NXPH1: variants seen among roughly 807,000 people sequenced by gnomAD.
NXPH1 encodes neurexophilin 1.
In NXPH1, 5 loss-of-function variants were observed where a neutral mutation model predicts 23.7. The observed-to-expected ratio is 0.21, with a 90% CI of 0.11 to 0.44. The LOEUF (loss-of-function observed/expected upper bound fraction) is 0.44. Ranked by LOEUF, NXPH1 falls within the 20% of genes least tolerant of loss-of-function variation. NXPH1 has a pLI of 0.99. For synonymous variants in NXPH1, 144 were observed against 122.2 expected (o/e 1.18, Z -1.18); for missense variants, 324 against 321.6 (o/e 1.01, Z -0.06).
At chr7:8,750,842 G>A (rs1562474681) in intron 2 of NXPH1, among the ~76,000 whole-genome samples, 166 bp from the exon 3 acceptor site, 1 of 152,056 alleles carries the variant, frequency 6.6e-6, no homozygotes, top group Non-Finnish European at 1.5e-5. Context: ...TGAGACTCTG[G>A]GAGAGGGGGC....
At chr7:8,515,982 G>A (rs1355586321) in intron 2 of NXPH1, among the ~76,000 whole-genome samples, 1 of 151,920 alleles carries the variant, frequency 6.6e-6, no homozygotes, top group Non-Finnish European at 1.5e-5. Flanking sequence ...ATACCTATCT[G>A]GTGTGCATGC....
intron 2 of NXPH1, among the ~76,000 whole-genome samples, chr7:8,481,027 C>T (rs1233165527): frequency 6.6e-6 from 1 of 152,130 alleles, no homozygotes; most frequent in African/African-American, 2.4e-5. Flanking sequence ...CATCGGTGCT[C>T]AGGATGAGGA....
At chr7:8,582,561 C>A (rs1223448079) in intron 2 of NXPH1, among the ~76,000 whole-genome samples, 3 of 152,148 alleles carry the variant, frequency 2.0e-5, no homozygotes, top group African/African-American at 7.2e-5. Flanking sequence ...CAGTGGGTAG[C>A]TCCTTTCTGC....
chr7:8,559,840 G>A (rs537132386), intron 2 of NXPH1, among the ~76,000 whole-genome samples: 1 of 151,792 alleles, frequency 6.6e-6, no homozygotes, highest in Admixed American at 6.6e-5. Context: ...TTTGGAGTGG[G>A]CATAGCATAC....
At chr7:8,503,546 A>T (rs1294703761) in intron 2 of NXPH1, among the ~76,000 whole-genome samples, 2 of 151,982 alleles carry the variant, frequency 1.3e-5, no homozygotes, top group Non-Finnish European at 2.9e-5. Flanking sequence ...TTCTGCCTTA[A>T]CTATTTCTTC....
intron 2 of NXPH1, among the ~76,000 whole-genome samples, chr7:8,492,588 TACAC>T (rs1304386119): frequency 6.6e-6 from 1 of 152,080 alleles, no homozygotes; most frequent in Non-Finnish European, 1.5e-5. Context: ...TCATGGAGCT[TACAC>T]AATCAACTGG....
At chr7:8,525,207 T>A (rs567915374) in intron 2 of NXPH1, among the ~76,000 whole-genome samples, 25 of 152,326 alleles carry the variant, frequency 1.6e-4, no homozygotes, top group African/African-American at 6.0e-4. Context: ...TGTTATGTTT[T>A]AGCAAAGAGA....
chr7:8,519,895 T>G (rs1432241337), intron 2 of NXPH1, among the ~76,000 whole-genome samples: 1 of 152,180 alleles, frequency 6.6e-6, no homozygotes, highest in Non-Finnish European at 1.5e-5. Context: ...TAGACATTAA[T>G]GTATCATTTG....
intron 2 of NXPH1, among the ~76,000 whole-genome samples, chr7:8,693,530 A>G (rs1049785021): frequency 3.3e-5 from 5 of 152,228 alleles, no homozygotes; most frequent in Non-Finnish European, 5.9e-5. Flanking sequence ...TTAATCTTTT[A>G]AAACTTTGTT....
intron 2 of NXPH1, among the ~76,000 whole-genome samples, chr7:8,588,199 A>G (rs986958814): frequency 1.3e-5 from 2 of 152,178 alleles, no homozygotes; most frequent in Admixed American, 1.3e-4. Context: ...GCGATTCCTC[A>G]AGGATCTGGA....
chr7:8,657,373 G>A (rs1820599970), intron 2 of NXPH1, among the ~76,000 whole-genome samples: 1 of 152,184 alleles, frequency 6.6e-6, no homozygotes, highest in Non-Finnish European at 1.5e-5. Context: ...GAAACTTCCT[G>A]CCTTAGGTTA....
At chr7:8,447,437 G>T (rs1816424875) in intron 2 of NXPH1, among the ~76,000 whole-genome samples, 4 of 152,224 alleles carry the variant, frequency 2.6e-5, no homozygotes, top group Admixed American at 2.0e-4. Flanking sequence ...AGATTTTGCA[G>T]AACATGGCAG....
At chr7:8,641,820 CTTAT>C (rs993067270) in intron 2 of NXPH1, among the ~76,000 whole-genome samples, 11 of 151,954 alleles carry the variant, frequency 7.2e-5, no homozygotes, top group Non-Finnish European at 1.2e-4. Flanking sequence ...CCTTTTTGTC[CTTAT>C]TTGAGTTAAT....
chr7:8,525,394 C>T (rs2349487), intron 2 of NXPH1, among the ~76,000 whole-genome samples: 51,626 of 152,008 alleles, frequency 0.34, 9,008 homozygotes, highest in East Asian at 0.38. Flanking sequence ...GGAGAATTTG[C>T]AGCCTGACTA....
intron 2 of NXPH1, among the ~76,000 whole-genome samples, chr7:8,485,983 G>A (rs1817152980): frequency 1.3e-5 from 2 of 152,094 alleles, no homozygotes; most frequent in African/African-American, 4.8e-5. Context: ...AACTTACCTG[G>A]TGTTCCCTTT....
At chr7:8,727,114 T>A (rs1280272353) in intron 2 of NXPH1, among the ~76,000 whole-genome samples, 2 of 148,756 alleles carry the variant, frequency 1.3e-5, no homozygotes, top group East Asian at 4.0e-4. Flanking sequence ...TCATGTGTTT[T>A]TTCGGCTGCA....
At chr7:8,544,786 A>G (rs909860974) in intron 2 of NXPH1, among the ~76,000 whole-genome samples, 20 of 151,678 alleles carry the variant, frequency 1.3e-4, no homozygotes, top group African/African-American at 4.8e-4. Flanking sequence ...TATTCTAGAC[A>G]TGAAGCATTT....
intron 2 of NXPH1, among the ~76,000 whole-genome samples, chr7:8,647,979 T>C (rs2115149141): frequency 6.6e-6 from 1 of 152,296 alleles, no homozygotes; most frequent in South Asian, 2.1e-4. Context: ...ATGGCCTATA[T>C]GAAACTATCC....
intron 2 of NXPH1, among the ~76,000 whole-genome samples, chr7:8,744,231 A>G (rs1418226682): frequency 6.6e-6 from 1 of 152,246 alleles, no homozygotes; most frequent in African/African-American, 2.4e-5. Context: ...TTTCTGAAAC[A>G]ATGAGACACA....
Sources: gnomAD v4.1 joint callset for allele counts (sites outside exome capture counted in the v4.1 genomes callset) on GRCh38, gnomAD v4.1.1 for gene constraint, MANE v1.5 for transcripts, NCBI Gene and HGNC (gene_info 2026-07-23, HGNC 2026-07-21) for gene names.